GPC3: variants seen among roughly 807,000 people sequenced by gnomAD.
GPC3 encodes glypican 3.
GPC3 carries 3 observed loss-of-function variants against 34.4 expected under a neutral mutation model. The ratio of observed to expected loss-of-function variants is 0.09; its 90% CI spans 0.04 to 0.23. The LOEUF (loss-of-function observed/expected upper bound fraction) is 0.23, where lower values mean the gene tolerates loss of function less well. GPC3 is among the 10% of genes least tolerant of loss of function. The pLI is 1.00. For synonymous variants in GPC3, 177 were observed against 174.0 expected, an observed-to-expected ratio of 1.02 and a Z score of -0.13; for missense variants, 351 against 445.6, an observed-to-expected ratio of 0.79 and a Z score of 1.91.
chrX:133,873,964 C>T (rs781314213), intron 2 of GPC3, among the ~76,000 whole-genome samples: 9 of 111,282 alleles, frequency 8.1e-5, no homozygotes, highest in Non-Finnish European at 1.5e-4. Context: ...ATATTCTGCT[C>T]TTCAGGAGTA....
At chrX:133,749,603 C>G (rs865864367) in intron 3 of GPC3, among the ~76,000 whole-genome samples, 1 of 111,529 alleles carries the variant, frequency 9.0e-6, no homozygotes, top group South Asian at 3.8e-4. Context: ...AGATGACAGC[C>G]ACAAAAACAA....
chrX:133,796,217 T>C (rs989930408), intron 2 of GPC3, among the ~76,000 whole-genome samples: 35 of 111,798 alleles, frequency 3.1e-4, no homozygotes, highest in Non-Finnish European at 5.8e-4. Context: ...AGTGCTGGGA[T>C]TACAGGCGTG....
intron 5 of GPC3, among the ~76,000 whole-genome samples, chrX:133,688,140 A>T (rs1057064892): frequency 8.9e-6 from 1 of 112,176 alleles, no homozygotes; most frequent in African/African-American, 3.2e-5. Flanking sequence ...CTCTAATTGA[A>T]ATTCTCTGTA....
chrX:133,966,338 C>G (rs1163729316), intron 1 of GPC3, among the ~76,000 whole-genome samples: 1 of 112,522 alleles, frequency 8.9e-6, no homozygotes, highest in Non-Finnish European at 1.9e-5. Context: ...GCCTCCAGCA[C>G]AACTCTGAAT....
chrX:133,703,467 T>G (rs1424970975), intron 3 of GPC3, among the ~76,000 whole-genome samples: 2 of 108,239 alleles, frequency 1.8e-5, no homozygotes, highest in African/African-American at 3.4e-5. Context: ...GAAGTTTTTT[T>G]TTTTTTTTTT....
chrX:133,922,364 C>T (rs968299617), intron 2 of GPC3, among the ~76,000 whole-genome samples: 18 of 111,711 alleles, frequency 1.6e-4, no homozygotes, highest in Non-Finnish European at 3.0e-4. Context: ...TCCCACCTTA[C>T]AAAGGAGCTT....
chrX:133,967,204 G>A (rs1287289047), intron 1 of GPC3, among the ~76,000 whole-genome samples: 1 of 112,211 alleles, frequency 8.9e-6, no homozygotes, highest in Non-Finnish European at 1.9e-5. Flanking sequence ...GAAATATTAG[G>A]TTATGAATGC....
chrX:133,584,954 A>C (rs767126031), intron 7 of GPC3, among the ~76,000 whole-genome samples: 117 of 110,727 alleles, frequency 1.1e-3, no homozygotes, highest in African/African-American at 3.7e-3. Context: ...AAACAAAAAA[A>C]CAAAAAACAG....
At chrX:133,559,453 G>A (rs1468581831) in intron 7 of GPC3, among the ~76,000 whole-genome samples, 1 of 111,431 alleles carries the variant, frequency 9.0e-6, no homozygotes, top group Admixed American at 9.6e-5. Context: ...GAAATCTCAA[G>A]GAACTCTCTA....
At chrX:133,680,591 C>T (rs1318266319) in intron 5 of GPC3, among the ~76,000 whole-genome samples, 1 of 112,015 alleles carries the variant, frequency 8.9e-6, no homozygotes, top group Non-Finnish European at 1.9e-5. Context: ...CAAAGCCATA[C>T]TCACGTAAAA....
At chrX:133,622,750 AT>A (rs2070248221) in intron 6 of GPC3, among the ~76,000 whole-genome samples, 1 of 112,132 alleles carries the variant, frequency 8.9e-6, no homozygotes, top group Non-Finnish European at 1.9e-5. Flanking sequence ...TCTGCAGGAT[AT>A]TATTCAGGAG....
chrX:133,674,044 G>A (rs1390176041), intron 5 of GPC3, among the ~76,000 whole-genome samples: 1 of 110,644 alleles, frequency 9.0e-6, no homozygotes, highest in East Asian at 2.8e-4. Context: ...GGGCAACATA[G>A]GGAGACCTCA....
intron 4 of GPC3, among the ~76,000 whole-genome samples, chrX:133,694,761 C>A (rs1569415587): frequency 2.8e-5 from 3 of 105,620 alleles, no homozygotes; most frequent in Non-Finnish European, 5.8e-5. Flanking sequence ...AAAAAAAAAC[C>A]AAAAAACAAA....
At chrX:133,797,969 A>G (rs1277922330) in intron 2 of GPC3, among the ~76,000 whole-genome samples, 1 of 112,126 alleles carries the variant, frequency 8.9e-6, no homozygotes, top group Non-Finnish European at 1.9e-5. Flanking sequence ...AAGAAAAATT[A>G]TAATAAGTTT....
intron 2 of GPC3, among the ~76,000 whole-genome samples, chrX:133,794,154 A>G (rs1475926562): frequency 8.9e-6 from 1 of 112,097 alleles, no homozygotes; most frequent in African/African-American, 3.2e-5. Flanking sequence ...GATCCCATAT[A>G]GTGTTTTTAT....
intron 1 of GPC3, among the ~76,000 whole-genome samples, chrX:133,955,075 C>A (rs1212371064): frequency 3.6e-5 from 4 of 111,049 alleles, no homozygotes; most frequent in African/African-American, 1.3e-4. Flanking sequence ...TGTTGATCTC[C>A]TTCTGTGGTG....
chrX:133,927,791 A>G (rs2076282044), intron 2 of GPC3, among the ~76,000 whole-genome samples: 1 of 107,806 alleles, frequency 9.3e-6, no homozygotes, highest in African/African-American at 3.4e-5. Context: ...TTCACTTTTT[A>G]CTCTCTATAT....
chrX:133,558,944 A>T (rs187241327), intron 7 of GPC3, among the ~76,000 whole-genome samples: 148 of 107,936 alleles, frequency 1.4e-3, no homozygotes, highest in African/African-American at 4.8e-3. Context: ...AATAAATAAA[A>T]ATAAATGTGT....
chrX:133,698,203 A>T (rs2071134143), intron 4 of GPC3, among the ~76,000 whole-genome samples: 1 of 112,319 alleles, frequency 8.9e-6, no homozygotes, highest in African/African-American at 3.2e-5. Flanking sequence ...AGAAGGGAGA[A>T]GCTGGCAACT....
Sources: allele counts gnomAD v4.1 joint callset (sites outside exome capture counted in the v4.1 genomes callset), GRCh38; gene constraint gnomAD v4.1.1; transcripts MANE v1.5; gene names NCBI Gene and HGNC (gene_info 2026-07-23, HGNC 2026-07-21).